Variants in FSTL5 observed in about 807,000 individuals in gnomAD.
FSTL5 encodes the protein follistatin like 5.
In FSTL5, 62 loss-of-function variants were observed where a neutral mutation model predicts 89.1. The ratio of observed to expected loss-of-function variants is 0.70; its 90% CI spans 0.57 to 0.86. The LOEUF is 0.86. FSTL5 is among the 40% of genes least tolerant of loss of function. FSTL5 has a pLI of 0.00. For missense variants in FSTL5, 1,057 were observed against 1,001.6 expected (o/e 1.06, Z -0.75); for synonymous variants, 383 against 346.2 (o/e 1.11, Z -1.18).
At chr4:161,990,626 G>A (rs1578924162) in intron 3 of FSTL5, among the ~76,000 whole-genome samples, 1 of 151,908 alleles carries the variant, frequency 6.6e-6, no homozygotes, top group Non-Finnish European at 1.5e-5. Flanking sequence ...GATACAAGCA[G>A]GTGTGCAATT....
At chr4:161,955,115 T>C (rs1277500646) in intron 3 of FSTL5, among the ~76,000 whole-genome samples, 1 of 151,674 alleles carries the variant, frequency 6.6e-6, no homozygotes, top group Non-Finnish European at 1.5e-5. Flanking sequence ...TTATATAATT[T>C]ATGAGAAAAA....
At position 162,079,732 on chromosome 4, in the gene FSTL5, C is replaced by G. The variant is rs111540041; in HGVS notation, c.126+31539G>C. Among the ~76,000 whole-genome samples the G allele has an allele frequency of 2.2e-3, 334 of 151,350 alleles. 2 individuals are homozygous for G. The highest frequency in any genetic ancestry group is 7.7e-3 in the African/African-American group (318 of 41,392). On this transcript the variant is annotated intron_variant, in intron 2 of 15. Transcript: ENST00000306100. The stretch of plus-strand genomic sequence containing the variant: ...GAGAAGGATTTAGGAAGGCTCAATT[C>G]ACTCAAGAAAAATGAAATAGAAGAA...
At chr4:161,971,976 GT>G (rs1735498056) in intron 3 of FSTL5, among the ~76,000 whole-genome samples, 1 of 152,128 alleles carries the variant, frequency 6.6e-6, no homozygotes, top group Admixed American at 6.6e-5. Flanking sequence ...AGTTACTGTG[GT>G]GTACAGACAC....
intron 8 of FSTL5, among the ~76,000 whole-genome samples, chr4:161,581,722 C>A (rs969847232): frequency 6.6e-6 from 1 of 152,118 alleles, no homozygotes; most frequent in Non-Finnish European, 1.5e-5. Context: ...AACCAACAAA[C>A]AACAACCACT....
At chr4:161,654,465 C>T (rs1736446901) in intron 7 of FSTL5, among the ~76,000 whole-genome samples, 1 of 152,014 alleles carries the variant, frequency 6.6e-6, no homozygotes, top group South Asian at 2.1e-4. Context: ...CTTAAATGCA[C>T]CTGAGATATG....
At chr4:161,648,101 C>T (rs1048272184) in intron 7 of FSTL5, among the ~76,000 whole-genome samples, 2 of 152,156 alleles carry the variant, frequency 1.3e-5, no homozygotes, top group Middle Eastern at 3.2e-3. Flanking sequence ...AAACCTTGCA[C>T]TCATTCTCCA....
Position 161,664,653 on chromosome 4 carries a change from TA to T in FSTL5, c.728-8160del, listed in dbSNP as rs755152168. Among the ~76,000 whole-genome samples, 195 of 152,286 alleles carry T rather than the reference TA, an allele frequency of 1.3e-3. 2 individuals carry two copies. Among genetic ancestry groups the T allele is most frequent in the Non-Finnish European group, 3.1e-4 (21 of 68,028 alleles). ...TTTGTCTGAGACCTCCAAACTGTTC[TA>T]AACTCTGCCTGATACCCAGTGCAAG... is the stretch of plus-strand genomic sequence containing the variant. On this transcript the variant is annotated intron_variant, in intron 6 of 15. Coordinates refer to ENST00000306100, the MANE Select transcript of FSTL5 (RefSeq NM_020116.5).
At chr4:162,147,413 C>A (rs1192367676) in intron 1 of FSTL5, among the ~76,000 whole-genome samples, 1 of 152,142 alleles carries the variant, frequency 6.6e-6, no homozygotes, top group African/African-American at 2.4e-5. Flanking sequence ...GCTGTCTTCA[C>A]AACAGGCAAA....
chr4:161,629,611 C>T (rs1041754799), intron 7 of FSTL5, among the ~76,000 whole-genome samples: 4 of 152,122 alleles, frequency 2.6e-5, no homozygotes, highest in Non-Finnish European at 5.9e-5. Flanking sequence ...TCTGAAAGTG[C>T]TGGGATTACA....
chr4:161,535,950 G>A (rs565526887), intron 10 of FSTL5, among the ~76,000 whole-genome samples: 9 of 152,058 alleles, frequency 5.9e-5, no homozygotes, highest in Non-Finnish European at 1.2e-4. Flanking sequence ...AATGAATGAA[G>A]CTGGAGGCCA....
chr4:161,992,102 AG>A (rs934880584), intron 3 of FSTL5, among the ~76,000 whole-genome samples: 6 of 152,322 alleles, frequency 3.9e-5, no homozygotes, highest in Non-Finnish European at 7.3e-5. Context: ...AGAGATTAAA[AG>A]GCAGGAACAT....
intron 1 of FSTL5, among the ~76,000 whole-genome samples, chr4:162,149,457 C>T (rs922027417): frequency 6.6e-6 from 1 of 150,664 alleles, no homozygotes; most frequent in Non-Finnish European, 1.5e-5. Context: ...AGACCCCTAT[C>T]TCTACAAAGA....
chr4:161,416,396 T>G (rs1731780937), intron 15 of FSTL5, among the ~76,000 whole-genome samples: 1 of 152,150 alleles, frequency 6.6e-6, no homozygotes, highest in Non-Finnish European at 1.5e-5. Flanking sequence ...GTTGTGTTTA[T>G]GTCTATGCAA....
chr4:161,894,014 T>A (rs1473351390), intron 4 of FSTL5, among the ~76,000 whole-genome samples: 1 of 152,188 alleles, frequency 6.6e-6, no homozygotes, highest in Non-Finnish European at 1.5e-5. Context: ...TAGGTATGGT[T>A]TTTATCCAAT....
At chr4:161,908,329 C>A (rs546121026) in intron 4 of FSTL5, among the ~76,000 whole-genome samples, 1 of 152,022 alleles carries the variant, frequency 6.6e-6, no homozygotes, top group Non-Finnish European at 1.5e-5. Flanking sequence ...TCATACATAT[C>A]TGTCCATGAC....
chr4:161,980,258 GAAAAAAGA>G (rs1044369184), intron 3 of FSTL5, among the ~76,000 whole-genome samples: 1 of 45,820 alleles, frequency 2.2e-5, no homozygotes, highest in African/African-American at 7.6e-5. Context: ...AAGGAAGAAA[GAAAAAAGA>G]AAGAAAGAAA....
intron 4 of FSTL5, among the ~76,000 whole-genome samples, chr4:161,796,842 T>C (rs2126825432): frequency 6.6e-6 from 1 of 151,698 alleles, no homozygotes; most frequent in Non-Finnish European, 1.5e-5. Context: ...ATTATTATCT[T>C]ACTCTCATTT....
intron 3 of FSTL5, among the ~76,000 whole-genome samples, chr4:161,941,822 A>G (rs1734594991): frequency 6.6e-6 from 1 of 152,048 alleles, no homozygotes; most frequent in African/African-American, 2.4e-5. Context: ...CTTCACCTCA[A>G]ACAGCAGAGT....
In FSTL5 at chr4:161,556,857, T is replaced by G. The variant is rs192366903; in HGVS notation, c.1016-14164A>C. On this transcript the variant is annotated intron_variant, in intron 8 of 15. Coordinates refer to ENST00000306100, the MANE Select transcript of FSTL5 (RefSeq NM_020116.5). ...GTGTGTGTGTGTGTGTATATATATA[T>G]ATATAATCCTGGATTAAGTTTATTT... is the stretch of plus-strand genomic sequence containing the variant. Among the ~76,000 whole-genome samples, 272 of 150,778 alleles carry G rather than the reference T, an allele frequency of 1.8e-3. 2 individuals are homozygous for G. The highest frequency in any genetic ancestry group is 5.9e-3 in the African/African-American group (244 of 41,382).
Sources: gnomAD v4.1 joint callset for allele counts (sites outside exome capture counted in the v4.1 genomes callset) on GRCh38, gnomAD v4.1.1 for gene constraint, MANE v1.5 for transcripts, NCBI Gene and HGNC (gene_info 2026-07-23, HGNC 2026-07-21) for gene names.